The following PPP1R1C variants were observed in gnomAD, a reference collection of about 807,000 sequenced individuals.
PPP1R1C encodes the protein protein phosphatase 1 regulatory inhibitor subunit 1C, also known as protein phosphatase 1 regulatory subunit 1C.
PPP1R1C carries 15 observed loss-of-function variants against 17.4 expected under a neutral mutation model. The observed-to-expected ratio is 0.86, with a 90% CI of 0.58 to 1.33. PPP1R1C has a LOEUF of 1.33. Ranked by LOEUF, PPP1R1C falls within the 40% of genes most tolerant of loss-of-function variation. The pLI, the probability that PPP1R1C is intolerant of heterozygous loss-of-function variation, is 0.00. For synonymous variants in PPP1R1C, 35 were observed against 43.1 expected (o/e 0.81, Z 0.73); for missense variants, 143 against 130.0 (o/e 1.10, Z -0.48).
chr2:182,075,507 G>A (rs969169984), intron 4 of PPP1R1C, among the ~76,000 whole-genome samples: 2 of 152,208 alleles, frequency 1.3e-5, no homozygotes, highest in Non-Finnish European at 2.9e-5. Context: ...GTAGGAAGTA[G>A]AAGTAAGGCA....
At chr2:181,990,593 T>C (rs1339940322) in intron 2 of PPP1R1C, among the ~76,000 whole-genome samples, 1 of 152,226 alleles carries the variant, frequency 6.6e-6, no homozygotes, top group Non-Finnish European at 1.5e-5. Context: ...AACTGATGTG[T>C]TCGGGAATAC....
intron 2 of PPP1R1C, among the ~76,000 whole-genome samples, chr2:182,054,921 A>G (rs1337193704): frequency 6.6e-6 from 1 of 152,010 alleles, no homozygotes; most frequent in African/African-American, 2.4e-5. Flanking sequence ...TTGGCCTCCC[A>G]AAGTGCTGGG....
chr2:181,962,450 G>A lies in PPP1R1C; in HGVS notation n.111+7816G>A, dbSNP rs534795160. Reference sequence around the variant, plus strand: ...AGAGCCCAGGAACAGGTAGTTGGTGGAGAAGATGGAGCGAGTGGTGAAGCT... The same window carrying A: ...AGAGCCCAGGAACAGGTAGTTGGTGAAGAAGATGGAGCGAGTGGTGAAGCT... On this transcript the variant is annotated intron_variant and non_coding_transcript_variant, in intron 1 of 5. Coordinates refer to the PPP1R1C transcript ENST00000464264. The surrounding 1 kb of genome is among the most constrained non-coding windows in gnomAD (Gnocchi z 6.0). 71 of 704,352 alleles carry A rather than the reference G, an allele frequency of 1.0e-4. No individual in the cohort carries two copies. In the Admixed American group the frequency reaches 1.1e-3, roughly 11 times the overall value. The allele number at this position is 704,352 out of a possible 1,614,324, so 43.6% of individuals were successfully genotyped here.
rs112250177 is a variant in PPP1R1C at position 181,972,288 on chromosome 2, A to G, written n.112-2931A>G. ...ATTTCTATAAAGCTTACTAAAGAAT[A>G]TACTTCAGTAAGTCAGAGAATAAAT... On this transcript the variant is annotated intron_variant and non_coding_transcript_variant, in intron 1 of 5. Coordinates refer to the PPP1R1C transcript ENST00000464264. Among the ~76,000 whole-genome samples the G allele has an allele frequency of 2.4e-3, 373 of 152,366 alleles. 3 individuals carry two copies. The highest frequency in any genetic ancestry group is 3.6e-3 in the Non-Finnish European group (244 of 68,038).
chr2:182,015,575 G>C (rs1046869116), intron 2 of PPP1R1C, among the ~76,000 whole-genome samples: 1 of 152,102 alleles, frequency 6.6e-6, no homozygotes, highest in Non-Finnish European at 1.5e-5. Flanking sequence ...GAATACTGCT[G>C]GCTCCAGCTG....
chr2:182,083,248 A>G (rs563911203), intron 4 of PPP1R1C, among the ~76,000 whole-genome samples: 1 of 152,288 alleles, frequency 6.6e-6, no homozygotes, highest in East Asian at 1.9e-4. Flanking sequence ...ATTTTTTCAT[A>G]TATATTTATT....
chr2:182,045,374 A>T (rs974610426), intron 2 of PPP1R1C, among the ~76,000 whole-genome samples: 13 of 152,164 alleles, frequency 8.5e-5, no homozygotes, highest in African/African-American at 3.1e-4. Context: ...AAGTCGATAA[A>T]AACTTATAGA....
intron 4 of PPP1R1C, among the ~76,000 whole-genome samples, chr2:182,067,224 A>G (rs2125201722): frequency 6.6e-6 from 1 of 152,180 alleles, no homozygotes; most frequent in East Asian, 1.9e-4. Flanking sequence ...AGACTTCAGT[A>G]TCTAGATATT....
At position 182,094,348 on chromosome 2, in the gene PPP1R1C, A is replaced by G. The variant is rs564376294; in HGVS notation, c.242-22859A>G. ...ACGTGGGAATTACGGGAGATACAAG[A>G]TGAGATTTGGGTGGGAACACAGAGC... On this transcript the variant is annotated intron_variant, in intron 4 of 4. Transcript: ENST00000682840. Among the ~76,000 whole-genome samples the G allele has an allele frequency of 5.8e-4, 88 of 152,308 alleles. No individual in the cohort carries two copies. The South Asian group carries it at 0.012, about 20-fold the overall frequency.
At chr2:182,037,143 C>CA (rs1687035721) in intron 2 of PPP1R1C, among the ~76,000 whole-genome samples, 1 of 152,088 alleles carries the variant, frequency 6.6e-6, no homozygotes, top group Non-Finnish European at 1.5e-5. Flanking sequence ...TGCTTTGTTA[C>CA]AATGCCAGAA....
intron 1 of PPP1R1C, among the ~76,000 whole-genome samples, chr2:181,969,910 T>C (rs1684972751): frequency 6.6e-6 from 1 of 152,220 alleles, no homozygotes; most frequent in African/African-American, 2.4e-5. Flanking sequence ...TTCTTCATTA[T>C]GTCAATTGTA....
chr2:181,994,820 T>C (rs1157403415), intron 2 of PPP1R1C, among the ~76,000 whole-genome samples: 1 of 152,112 alleles, frequency 6.6e-6, no homozygotes, highest in East Asian at 1.9e-4. Context: ...AAGCTAATTC[T>C]GGCCAAGGCA....
At chr2:182,051,341 A>G (rs2249726) in intron 2 of PPP1R1C, among the ~76,000 whole-genome samples, 6,449 of 152,284 alleles carry the variant, frequency 0.042, 420 homozygotes, top group Admixed American at 0.18. Flanking sequence ...GAGGTAAAGA[A>G]TCAGCCTCCA....
intron 2 of PPP1R1C, among the ~76,000 whole-genome samples, chr2:182,052,142 C>T (rs1687540740): frequency 6.6e-6 from 1 of 152,082 alleles, no homozygotes; most frequent in African/African-American, 2.4e-5. Flanking sequence ...TTGTATCTAA[C>T]AAAAATGCTA....
intron 4 of PPP1R1C, among the ~76,000 whole-genome samples, chr2:182,096,055 A>C (rs1444249897): frequency 2.0e-5 from 3 of 152,182 alleles, no homozygotes; most frequent in South Asian, 2.1e-4. Context: ...AAAAAGACAA[A>C]AGCATAATAC....
At chr2:182,077,897 C>T (rs190487922) in intron 4 of PPP1R1C, among the ~76,000 whole-genome samples, 220 of 152,292 alleles carry the variant, frequency 1.4e-3, no homozygotes, top group African/African-American at 4.5e-3. Context: ...AAGTGGAACC[C>T]TTGCCGGGCG....
At chr2:182,025,833 A>G (rs1201606259) in intron 2 of PPP1R1C, among the ~76,000 whole-genome samples, 39 of 144,844 alleles carry the variant, frequency 2.7e-4, no homozygotes, top group Middle Eastern at 3.6e-3. Flanking sequence ...CAACGGTGTA[A>G]AAGTGTTCCT....
chr2:182,032,395 A>G (rs1686871951), intron 2 of PPP1R1C, among the ~76,000 whole-genome samples: 1 of 152,164 alleles, frequency 6.6e-6, no homozygotes, highest in African/African-American at 2.4e-5. Context: ...TCGTTTTTCC[A>G]TAATACTTAT....
At chr2:182,092,206 G>C (rs528630946) in intron 4 of PPP1R1C, among the ~76,000 whole-genome samples, 2 of 152,294 alleles carry the variant, frequency 1.3e-5, no homozygotes, top group South Asian at 2.1e-4. Context: ...GGAGGCCTCA[G>C]AATCATGGTT....
Sources: allele counts gnomAD v4.1 joint callset (sites outside exome capture counted in the v4.1 genomes callset), GRCh38; gene constraint gnomAD v4.1.1; non-coding constraint Gnocchi (gnomAD v3.1); transcripts MANE v1.5; gene names NCBI Gene and HGNC (gene_info 2026-07-23, HGNC 2026-07-21).